Variants in STPG2 observed in about 807,000 individuals in gnomAD.
STPG2 encodes the protein sperm tail PG-rich repeat containing 2.
A neutral mutation model predicts 54.2 loss-of-function variants in STPG2; 56 were observed. The observed-to-expected ratio is 1.03, with a 90% CI of 0.83 to 1.29. The LOEUF is 1.29. STPG2 is among the 50% of genes most tolerant of loss of function. The pLI, the probability that STPG2 is intolerant of heterozygous loss-of-function variation, is 0.00. For missense variants in STPG2, 596 were observed against 544.9 expected (o/e 1.09, Z -0.93); for synonymous variants, 200 against 181.8 (o/e 1.10, Z -0.81).
At position 97,872,536 on chromosome 4, in the gene STPG2, G is replaced by GA. The variant is rs201899885; in HGVS notation, c.1045-31605dup. Among the ~76,000 whole-genome samples the GA allele has an allele frequency of 5.8e-4, 88 of 150,768 alleles. No individual in the cohort carries two copies. In the East Asian group the frequency reaches 0.015, roughly 26 times the overall value. On this transcript the variant is annotated intron_variant, in intron 8 of 10. Coordinates refer to ENST00000295268, the MANE Select transcript of STPG2 (RefSeq NM_174952.3). ...TATGTATAATAACAACAAAGAAGAT[G>GA]AAAAAACACGTAAGAATAAGTATTC... is the stretch of plus-strand genomic sequence containing the variant.
chr4:97,742,572 T>TAC, intron 9 of STPG2, among the ~76,000 whole-genome samples: 1 of 147,952 alleles, frequency 6.8e-6, no homozygotes, highest in Non-Finnish European at 1.5e-5. Context: ...TGTGTCTATA[T>TAC]ATATATGGAA....
intron 5 of STPG2, among the ~76,000 whole-genome samples, chr4:97,993,637 G>A (rs1307593955): frequency 6.6e-6 from 1 of 151,368 alleles, no homozygotes; most frequent in Non-Finnish European, 1.5e-5. Context: ...TCTCTATCTT[G>A]TGGGATAGTA....
intron 9 of STPG2, among the ~76,000 whole-genome samples, chr4:97,828,887 A>T (rs1728348323): frequency 5.3e-5 from 8 of 152,146 alleles, no homozygotes; most frequent in Admixed American, 3.3e-4. Context: ...GGGATTATAG[A>T]TAAAACCCTC....
intron 3 of STPG2, among the ~76,000 whole-genome samples, chr4:98,123,079 TTC>T (rs367919480): frequency 0.018 from 2,668 of 152,262 alleles, 69 homozygotes; most frequent in African/African-American, 0.061. Context: ...TATTTGATTC[TTC>T]TCTCTTTTCT....
chr4:97,616,092 A>ATATATATGTATG (rs764342142), intron 10 of STPG2, among the ~76,000 whole-genome samples: 3 of 63,294 alleles, frequency 4.7e-5, no homozygotes, highest in Non-Finnish European at 7.0e-5. Flanking sequence ...ATATATATAT[A>ATATATATGTATG]TATGTATGTA....
At chr4:98,067,362 C>CTA (rs1339938751) in intron 5 of STPG2, among the ~76,000 whole-genome samples, 1 of 151,998 alleles carries the variant, frequency 6.6e-6, no homozygotes, top group Non-Finnish European at 1.5e-5. Flanking sequence ...GATATAGTTC[C>CTA]TATATATTCA....
intron 4 of STPG2, among the ~76,000 whole-genome samples, chr4:97,481,586 A>T (rs2148821241): frequency 6.6e-6 from 1 of 151,578 alleles, no homozygotes; most frequent in East Asian, 1.9e-4. Context: ...TGTATCCCTA[A>T]TTTTTTTATA....
intron 8 of STPG2, among the ~76,000 whole-genome samples, chr4:97,925,317 A>C (rs1371353338): frequency 1.3e-5 from 2 of 152,222 alleles, no homozygotes; most frequent in Non-Finnish European, 1.5e-5. Context: ...GATGGCAACT[A>C]TCAGCACTTA....
At chr4:97,568,602 A>G (rs187330032) in intron 10 of STPG2, among the ~76,000 whole-genome samples, 2 of 152,256 alleles carry the variant, frequency 1.3e-5, no homozygotes, top group African/African-American at 4.8e-5. Context: ...TCTAAATACT[A>G]TTACCCACTA....
intron 10 of STPG2, among the ~76,000 whole-genome samples, chr4:97,689,519 C>T (rs1161762570): frequency 2.6e-5 from 4 of 151,978 alleles, no homozygotes; most frequent in African/African-American, 9.7e-5. Flanking sequence ...TAATAACTTT[C>T]AAATAGGGAA....
At position 97,899,704 on chromosome 4, in the gene STPG2, A is replaced by T. The variant is rs75173954; in HGVS notation, c.1044+44193T>A. Among the ~76,000 whole-genome samples, 1,077 of 152,246 alleles carry T rather than the reference A, an allele frequency of 7.1e-3. 13 individuals are homozygous for T. Among genetic ancestry groups the T allele is most frequent in the African/African-American group, 0.024 (1,009 of 41,546 alleles). ...CCATCTGATCTTTAACAAACCTGAC[A>T]AAAACATGCAATGGGGAAAATAATC... On this transcript the variant is annotated intron_variant, in intron 8 of 10. Transcript: ENST00000295268.
intron 10 of STPG2, among the ~76,000 whole-genome samples, chr4:97,598,802 C>T (rs1733375536): frequency 6.6e-6 from 1 of 152,046 alleles, no homozygotes; most frequent in African/African-American, 2.4e-5. Flanking sequence ...AATATAAAAC[C>T]TAAATCTATA....
intron 5 of STPG2, among the ~76,000 whole-genome samples, chr4:97,986,314 A>G (rs966990289): frequency 4.6e-5 from 7 of 152,228 alleles, no homozygotes; most frequent in African/African-American, 1.7e-4. Context: ...AGGCTGCCAC[A>G]TAATAAAGGT....
At chr4:98,069,280 T>TTTAC (rs34581527) in intron 5 of STPG2, among the ~76,000 whole-genome samples, 1 of 56,084 alleles carries the variant, frequency 1.8e-5, no homozygotes, top group Non-Finnish European at 4.1e-5. Flanking sequence ...AATAATTGTT[T>TTTAC]TTAAGTTTTT....
Position 98,084,469 on chromosome 4 carries a change from C to T in STPG2, c.612+21484G>A, listed in dbSNP as rs577445884. On this transcript the variant is annotated intron_variant, in intron 5 of 10. Transcript: ENST00000295268. ...TGAACATATATTTTCATTTCTGTTACACGAATAGGAGTGAAATTGTGGTAC... is the reference window on the plus strand; with the variant it reads ...TGAACATATATTTTCATTTCTGTTATACGAATAGGAGTGAAATTGTGGTAC... Among the ~76,000 whole-genome samples the T allele has an allele frequency of 8.5e-5, 13 of 152,264 alleles. No homozygotes were observed. The East Asian group carries it at 2.3e-3, about 27-fold the overall frequency.
intron 9 of STPG2, among the ~76,000 whole-genome samples, chr4:97,766,524 C>G (rs1726058900): frequency 6.6e-6 from 1 of 152,050 alleles, no homozygotes. Flanking sequence ...ACTTATCTAT[C>G]TACAGTCTAT....
intron 4 of STPG2, among the ~76,000 whole-genome samples, chr4:97,512,826 G>T (rs1047785341): frequency 1.3e-5 from 2 of 152,024 alleles, no homozygotes; most frequent in Admixed American, 6.6e-5. Flanking sequence ...GAATAATTCT[G>T]TGACTACAGA....
chr4:97,486,860 AACAC>A (rs772458069), intron 4 of STPG2, among the ~76,000 whole-genome samples: 2,704 of 125,556 alleles, frequency 0.022, 36 homozygotes, highest in Middle Eastern at 0.038. Context: ...TATGTATACA[AACAC>A]ACACACACAC....
intron 9 of STPG2, among the ~76,000 whole-genome samples, chr4:97,716,092 G>C (rs1352643541): frequency 6.6e-6 from 1 of 152,142 alleles, no homozygotes; most frequent in Non-Finnish European, 1.5e-5. Flanking sequence ...ATGAAAAAAA[G>C]CTCATCATCA....
Sources: allele counts gnomAD v4.1 joint callset (sites outside exome capture counted in the v4.1 genomes callset), GRCh38; gene constraint gnomAD v4.1.1; transcripts MANE v1.5; gene names NCBI Gene and HGNC (gene_info 2026-07-23, HGNC 2026-07-21).